Variants in XPR1 observed in about 807,000 individuals in gnomAD.
XPR1 encodes the protein solute carrier family 53 member 1.
Under a neutral mutation model 87.5 loss-of-function variants are expected in XPR1, and 28 were observed. The ratio of observed to expected loss-of-function variants is 0.32; its 90% CI spans 0.24 to 0.44. XPR1 has a LOEUF of 0.44. Among genes scored for constraint, XPR1 ranks in the 20% least tolerant of loss-of-function variants. The pLI is 1.00. For synonymous variants in XPR1, 300 were observed against 306.1 expected (o/e 0.98, Z 0.21); for missense variants, 559 against 862.3 (o/e 0.65, Z 4.41).
chr1:180,768,909 A>C (rs567724087), intron 2 of XPR1, among the ~76,000 whole-genome samples: 1 of 152,202 alleles, frequency 6.6e-6, no homozygotes. Context: ...CATTTATTGA[A>C]GGATGTTATG....
At chr1:180,640,208 A>G (rs1654920892) in intron 1 of XPR1, among the ~76,000 whole-genome samples, 1 of 152,258 alleles carries the variant, frequency 6.6e-6, no homozygotes, top group Non-Finnish European at 1.5e-5. Context: ...AAATTAAATC[A>G]AATCAGACTG....
chr1:180,825,062 A>C, intron 8 of XPR1, 103 bp from the exon 9 acceptor site: 1 of 1,497,898 alleles, frequency 6.7e-7, no homozygotes, highest in Non-Finnish European at 8.9e-7. Context: ...CTTAATAACT[A>C]ATCATGTTTC....
intron 11 of XPR1, among the ~76,000 whole-genome samples, chr1:180,855,807 A>G (rs1169333722): frequency 1.3e-5 from 2 of 152,158 alleles, no homozygotes; most frequent in Non-Finnish European, 2.9e-5. Flanking sequence ...GCTATCAGGA[A>G]TCATTTTCCT....
intron 2 of XPR1, among the ~76,000 whole-genome samples, chr1:180,690,438 G>A (rs1220652638): frequency 2.0e-5 from 3 of 152,034 alleles, no homozygotes; most frequent in Non-Finnish European, 4.4e-5. Context: ...AGTTTTAATA[G>A]GCTGCTTCTT....
At chr1:180,731,477 G>T (rs1209738955) in intron 2 of XPR1, among the ~76,000 whole-genome samples, 2 of 152,104 alleles carry the variant, frequency 1.3e-5, no homozygotes, top group Non-Finnish European at 2.9e-5. Context: ...GCTGTGATCT[G>T]GTGAGTTTCA....
intron 2 of XPR1, among the ~76,000 whole-genome samples, chr1:180,738,994 G>A (rs564710119): frequency 6.6e-6 from 1 of 151,930 alleles, no homozygotes; most frequent in South Asian, 2.1e-4. Flanking sequence ...TCTTCTAAAA[G>A]TTTTATAGTT....
At chr1:180,863,641 T>C (rs1029178267) in intron 11 of XPR1, 67 bp from the exon 12 acceptor site, 1 of 1,409,000 alleles carries the variant, frequency 7.1e-7, no homozygotes, top group African/African-American at 1.4e-5. Context: ...TTAATTAGTG[T>C]TATTAATGAA....
chr1:180,720,265 T>C (rs1415724431), intron 2 of XPR1, among the ~76,000 whole-genome samples: 1 of 152,112 alleles, frequency 6.6e-6, no homozygotes, highest in Non-Finnish European at 1.5e-5. Flanking sequence ...TAAACCTGAT[T>C]ATGAGGGATG....
At chr1:180,749,454 C>G (rs948120447) in intron 2 of XPR1, among the ~76,000 whole-genome samples, 1 of 151,834 alleles carries the variant, frequency 6.6e-6, no homozygotes, top group Non-Finnish European at 1.5e-5. Flanking sequence ...CAGATTGGAC[C>G]TATACTCATT....
At chr1:180,675,505 A>C (rs1656338763) in intron 1 of XPR1, among the ~76,000 whole-genome samples, 1 of 152,112 alleles carries the variant, frequency 6.6e-6, no homozygotes, top group Admixed American at 6.5e-5. Context: ...GGCATAGTGA[A>C]TTGGGGTCAC....
intron 1 of XPR1, among the ~76,000 whole-genome samples, chr1:180,652,350 A>G (rs1311488486): frequency 6.6e-6 from 1 of 152,188 alleles, no homozygotes; most frequent in East Asian, 1.9e-4. Context: ...ATTTACAGCT[A>G]TTACCACAAT....
intron 2 of XPR1, among the ~76,000 whole-genome samples, chr1:180,762,301 G>A (rs948320017): frequency 2.0e-5 from 3 of 151,774 alleles, no homozygotes; most frequent in African/African-American, 7.3e-5. Context: ...GGTAAAGATG[G>A]CAAATTATGT....
At chr1:180,720,425 G>A (rs1260464237) in intron 2 of XPR1, among the ~76,000 whole-genome samples, 2 of 152,088 alleles carry the variant, frequency 1.3e-5, no homozygotes, top group Non-Finnish European at 2.9e-5. Flanking sequence ...TGAGGAAATA[G>A]GTCATGGTAA....
At chr1:180,780,466 G>A (rs1055344147) in intron 2 of XPR1, among the ~76,000 whole-genome samples, 1 of 152,142 alleles carries the variant, frequency 6.6e-6, no homozygotes, top group Non-Finnish European at 1.5e-5. Flanking sequence ...TTGGAGAAAT[G>A]TCTATTCAGA....
intron 2 of XPR1, among the ~76,000 whole-genome samples, chr1:180,715,218 A>G (rs1309721825): frequency 6.6e-6 from 1 of 152,208 alleles, no homozygotes; most frequent in African/African-American, 2.4e-5. Context: ...GTGTTCAGAA[A>G]TAAGGAAGGT....
intron 2 of XPR1, among the ~76,000 whole-genome samples, chr1:180,766,135 T>G (rs1648275392): frequency 6.6e-6 from 1 of 152,196 alleles, no homozygotes; most frequent in Admixed American, 6.5e-5. Flanking sequence ...AAATTTTGAT[T>G]CAGTATTTGT....
intron 3 of XPR1, among the ~76,000 whole-genome samples, chr1:180,789,675 CT>C (rs1337954160): frequency 6.6e-6 from 1 of 151,860 alleles, no homozygotes; most frequent in Non-Finnish European, 1.5e-5. Context: ...TTGCCTCTGT[CT>C]TCCTAAGTGC....
chr1:180,662,634 T>C (rs1397864844), intron 1 of XPR1, among the ~76,000 whole-genome samples: 1 of 152,218 alleles, frequency 6.6e-6, no homozygotes, highest in Non-Finnish European at 1.5e-5. Flanking sequence ...CTTGGTGTTC[T>C]ATAACCTTCT....
chr1:180,652,882 G>A (rs1012921293), intron 1 of XPR1, among the ~76,000 whole-genome samples: 1 of 152,190 alleles, frequency 6.6e-6, no homozygotes, highest in Non-Finnish European at 1.5e-5. Context: ...GCTTACCTGG[G>A]TAATTCTGGC....
Sources: gnomAD v4.1 joint callset for allele counts (sites outside exome capture counted in the v4.1 genomes callset) on GRCh38, gnomAD v4.1.1 for gene constraint, MANE v1.5 for transcripts, NCBI Gene and HGNC (gene_info 2026-07-23, HGNC 2026-07-21) for gene names.